The following ASTN1 variants were observed in gnomAD, a reference collection of about 807,000 sequenced individuals.
ASTN1 encodes the protein astrotactin-1.
A neutral mutation model predicts 140.7 loss-of-function variants in ASTN1; 41 were observed. That is an observed-to-expected ratio of 0.29 (90% CI 0.23 to 0.38). ASTN1 has a LOEUF of 0.38. Ranked by LOEUF, ASTN1 falls within the 10% of genes least tolerant of loss-of-function variation. ASTN1 has a pLI of 1.00. For missense variants in ASTN1, 1,479 were observed against 1,678.8 expected (o/e 0.88, Z 2.08); for synonymous variants, 640 against 652.2 (o/e 0.98, Z 0.29).
At position 177,039,841 on chromosome 1, in the gene ASTN1, T is replaced by C. The variant is rs867812448; in HGVS notation, c.472-6992A>G. Reference sequence around the variant, plus strand: ...GGGTAGATAAAATGTGCATTCTTCCTGCCCAGCAAAGTCACAAACCACAGA... The same window carrying C: ...GGGTAGATAAAATGTGCATTCTTCCCGCCCAGCAAAGTCACAAACCACAGA... On this transcript the variant is annotated intron_variant, in intron 2 of 22. Coordinates refer to ENST00000361833, the MANE Select transcript of ASTN1 (RefSeq NM_004319.3). Among the ~76,000 whole-genome samples, 9 of 152,330 alleles carry C rather than the reference T, an allele frequency of 5.9e-5. 1 individual carries two copies. The South Asian group carries it at 1.7e-3, about 28-fold the overall frequency.
chr1:176,983,444 G>A (rs999282172), intron 8 of ASTN1, among the ~76,000 whole-genome samples: 5 of 152,152 alleles, frequency 3.3e-5, no homozygotes, highest in East Asian at 1.9e-4. Flanking sequence ...TGTTAGACTC[G>A]CAGTAGATTT....
chr1:176,970,135 T>C (rs1273408715), intron 8 of ASTN1, among the ~76,000 whole-genome samples: 1 of 152,230 alleles, frequency 6.6e-6, no homozygotes. Context: ...AAGCTTTTGG[T>C]TTCTCTCCCA....
intron 14 of ASTN1, among the ~76,000 whole-genome samples, chr1:176,939,417 T>C (rs1671593909): frequency 6.6e-6 from 1 of 152,190 alleles, no homozygotes; most frequent in African/African-American, 2.4e-5. Flanking sequence ...ACTTAGCTGA[T>C]CAACATTTCT....
chr1:177,051,886 T>G (rs942892251), intron 2 of ASTN1, among the ~76,000 whole-genome samples: 11 of 152,142 alleles, frequency 7.2e-5, no homozygotes, highest in African/African-American at 2.4e-4. Flanking sequence ...GTGATGGAAT[T>G]CCCTAAATGA....
rs1017919308 is a variant in ASTN1 at position 176,863,366 on chromosome 1, A to T, written c.*918T>A. 1 of 985,740 alleles carries T rather than the reference A, an allele frequency of 1.0e-6. No individual in the cohort carries two copies. Among genetic ancestry groups the T allele is most frequent in the African/African-American group, 1.7e-5 (1 of 57,240 alleles). 61.1% of individuals were successfully genotyped at this position (985,740 alleles called of 1,614,324 possible). ...CGGCCAAGCCTTACCTGTCCAAGGT[A>T]AGAGGTGTGGGGGTTAAAGATAATC... On this transcript the variant is annotated 3_prime_UTR_variant, in exon 23 of 23. Transcript: ENST00000361833.
chr1:177,100,158 T>C (rs1018167545), intron 1 of ASTN1, among the ~76,000 whole-genome samples: 1 of 152,142 alleles, frequency 6.6e-6, no homozygotes, highest in East Asian at 1.9e-4. Flanking sequence ...TATGGGCAGA[T>C]AATAAAAAAT....
chr1:176,919,779 C>T (rs1201400281), intron 16 of ASTN1, among the ~76,000 whole-genome samples: 4 of 152,260 alleles, frequency 2.6e-5, no homozygotes, highest in Non-Finnish European at 5.9e-5. Context: ...GGGCAGCCTG[C>T]ATGGGCAATG....
intron 2 of ASTN1, among the ~76,000 whole-genome samples, chr1:177,044,165 GA>G (rs1033255179): frequency 3.9e-5 from 5 of 128,016 alleles, no homozygotes; most frequent in African/African-American, 8.5e-5. Flanking sequence ...TTTAAGAAAT[GA>G]AAAAAAAAAT....
intron 16 of ASTN1, among the ~76,000 whole-genome samples, chr1:176,914,778 G>T (rs996971630): frequency 3.6e-4 from 55 of 152,192 alleles, no homozygotes; most frequent in Non-Finnish European, 5.0e-4. Flanking sequence ...GAGTCAGACT[G>T]GGGTAGCAAC....
At chr1:176,897,274 CAAAA>C (rs56828059) in intron 16 of ASTN1, among the ~76,000 whole-genome samples, 3 of 44,150 alleles carry the variant, frequency 6.8e-5, no homozygotes, top group African/African-American at 3.0e-4. Context: ...GACTCCGTCT[CAAAA>C]AAAAAAAAAA....
chr1:176,916,255 T>C (rs536552680), intron 16 of ASTN1, among the ~76,000 whole-genome samples: 99 of 152,324 alleles, frequency 6.5e-4, no homozygotes, highest in African/African-American at 2.2e-3. Context: ...GATGAGTATG[T>C]AGGTTCCCCA....
Position 176,861,747 on chromosome 1 carries a change from G to A in ASTN1, c.*2537C>T. On this transcript the variant is annotated 3_prime_UTR_variant, in exon 23 of 23. Coordinates refer to ENST00000361833, the MANE Select transcript of ASTN1 (RefSeq NM_004319.3). ...GGGAGAACTCAACGAGAAACAGGAG[G>A]AAGAAAGTCTTGGGGAAAGAGGAGG... 1.0e-6 allele frequency: 1 copy of A among 985,446 alleles called. No homozygotes were observed. Among genetic ancestry groups the A allele is most frequent in the Middle Eastern group, 5.2e-4 (1 of 1,914 alleles). The allele number at this position is 985,446 out of a possible 1,614,324, so 61.0% of individuals were successfully genotyped here.
chr1:176,953,234 C>T (rs1672266608), intron 11 of ASTN1, among the ~76,000 whole-genome samples: 2 of 152,176 alleles, frequency 1.3e-5, no homozygotes, highest in Admixed American at 1.3e-4. Context: ...TGCATACTTC[C>T]GTTCCAGATT....
intron 2 of ASTN1, among the ~76,000 whole-genome samples, chr1:177,059,432 G>A (rs1344048533): frequency 1.3e-5 from 2 of 152,148 alleles, no homozygotes; most frequent in Admixed American, 6.5e-5. Context: ...TCTTTAATAA[G>A]AAGATGCAAG....
At chr1:176,905,121 C>A (rs903023482) in intron 16 of ASTN1, among the ~76,000 whole-genome samples, 1 of 152,336 alleles carries the variant, frequency 6.6e-6, no homozygotes, top group Non-Finnish European at 1.5e-5. Flanking sequence ...ACCTTCAAAT[C>A]TGGACAAGAA....
At chr1:177,123,771 A>G (rs1303038282) in intron 1 of ASTN1, among the ~76,000 whole-genome samples, 7 of 152,160 alleles carry the variant, frequency 4.6e-5, no homozygotes, top group Non-Finnish European at 1.0e-4. Context: ...TGAGCTGATT[A>G]CATTTTGGCC....
chr1:177,094,372 C>A (rs909666306), intron 1 of ASTN1, among the ~76,000 whole-genome samples: 2 of 152,194 alleles, frequency 1.3e-5, no homozygotes, highest in African/African-American at 4.8e-5. Flanking sequence ...TGAAGGGAGG[C>A]TGCCTATGCA....
At chr1:177,148,934 C>G (rs1038173379) in intron 1 of ASTN1, among the ~76,000 whole-genome samples, 1 of 148,254 alleles carries the variant, frequency 6.7e-6, no homozygotes, top group African/African-American at 2.5e-5. Context: ...CTTTTTAAGA[C>G]AAAGGAGAGC....
chr1:177,023,771 A>G (rs1429982222), intron 6 of ASTN1, among the ~76,000 whole-genome samples, 200 bp from the exon 7 acceptor site: 1 of 152,180 alleles, frequency 6.6e-6, no homozygotes, highest in Non-Finnish European at 1.5e-5. Context: ...CTGTGAGGCC[A>G]GACATTGAAC....
Sources: allele counts gnomAD v4.1 joint callset (sites outside exome capture counted in the v4.1 genomes callset), GRCh38; gene constraint gnomAD v4.1.1; transcripts MANE v1.5; gene names NCBI Gene and HGNC (gene_info 2026-07-23, HGNC 2026-07-21).